The following NRN1 variants were observed in gnomAD, a reference collection of about 807,000 sequenced individuals.
NRN1 encodes neuritin 1, also known as neuritin.
A neutral mutation model predicts 15.0 loss-of-function variants in NRN1; 4 were observed. The observed-to-expected ratio is 0.27, with a 90% CI of 0.13 to 0.61. The LOEUF (loss-of-function observed/expected upper bound fraction) is 0.61. NRN1 is among the 20% of genes least tolerant of loss of function. The pLI is 0.87. For missense variants in NRN1, 134 were observed against 181.9 expected (o/e 0.74, Z 1.51); for synonymous variants, 85 against 79.8 (o/e 1.07, Z -0.35).
At position 6,002,424 on chromosome 6, in the gene NRN1, G is replaced by A; in HGVS notation, c.129C>T (p.Leu43=). The change falls in exon 2 of 3, where the codon CTC becomes CTT. Residue 43 remains leucine (L), a synonymous_variant. Coordinates refer to ENST00000244766, the MANE Select transcript of NRN1 (RefSeq NM_016588.3). The stretch of plus-strand genomic sequence containing the variant: ...AGTTGGCCATGCTGTCGCCCAGCTT[G>A]AGCAAACAGTCCGAAAAGCCCTTGA... ...AVFKGFSDCL[L]KLGDSMANYP... 4 of 1,614,242 alleles carry A rather than the reference G, an allele frequency of 2.5e-6. No homozygotes were observed. Among genetic ancestry groups the A allele is most frequent in the Non-Finnish European group, 3.4e-6 (4 of 1,180,030 alleles).
chr6:6,004,347 C>T (rs1758050753), intron 1 of NRN1, among the ~76,000 whole-genome samples: 1 of 152,202 alleles, frequency 6.6e-6, no homozygotes, highest in African/African-American at 2.4e-5. Context: ...CTCTATAACG[C>T]ATGTCACAAA....
rs1287422074 is a variant in NRN1 at position 5,999,124 on chromosome 6, A to G, written c.281T>C (p.Leu94Pro). 1 of 1,614,186 alleles carries G rather than the reference A, an allele frequency of 6.2e-7. No homozygotes were observed. The highest frequency in any genetic ancestry group is 2.2e-5 in the East Asian group (1 of 44,876). ...QEGAKDMWDK[L>P]RKESKNLNIQ... ...GTTGAGGTTTTTGGATTCTTTTCTC[A>G]GTTTATCCCACATATCTTTCGCCCC... Residue 94 changes from leucine (L) to proline (P), a missense_variant, in exon 3 of 3, where the codon CTG (leucine) becomes CCG (proline). Coordinates refer to ENST00000244766, the MANE Select transcript of NRN1 (RefSeq NM_016588.3).
intron 2 of NRN1, among the ~76,000 whole-genome samples, chr6:6,001,742 C>T (rs1032116899): frequency 1.3e-5 from 2 of 152,230 alleles, no homozygotes; most frequent in Non-Finnish European, 1.5e-5. Flanking sequence ...AATAAGATAG[C>T]GTTTCGGCCT....
chr6:5,999,203 A>G lies in NRN1; in HGVS notation c.202T>C (p.Tyr68His). ...GTGCAGCTGTGGAAATCCTCCCAGTATCTGGTGAGGAACAGAACAAAACAG... is the reference window on the plus strand; with the variant it reads ...GTGCAGCTGTGGAAATCCTCCCAGTGTCTGGTGAGGAACAGAACAAAACAG... ...DKTNIKTVCTYWEDFHSCTVT... is the reference protein window; with the variant it reads ...DKTNIKTVCTHWEDFHSCTVT... The change falls in exon 3 of 3, where the codon TAC (tyrosine) becomes CAC (histidine). Residue 68 changes from tyrosine to histidine, a missense_variant and splice_region_variant. Tyr to His is a moderately conservative substitution (Grantham distance 83). Transcript: ENST00000244766. The G allele has an allele frequency of 6.2e-7, 1 of 1,612,366 alleles. No homozygotes were observed. The highest frequency in any genetic ancestry group is 1.1e-5 in the South Asian group (1 of 91,058).
At chr6:6,003,423 C>T (rs1450604307) in intron 1 of NRN1, 1 of 467,812 alleles carries the variant, frequency 2.1e-6, no homozygotes, top group African/African-American at 2.0e-5. Flanking sequence ...AACAACCCAC[C>T]CGCCCGCCAA....
At position 6,006,679 on chromosome 6, in the gene NRN1, C is replaced by A. The variant is rs1467462442; in HGVS notation, c.55+16G>T. ...CTCCCGCCTCCAGCCTCCAGCCGGGCTGAGCGGCCACTTACCTATTTGCAC... is the reference window on the plus strand; with the variant it reads ...CTCCCGCCTCCAGCCTCCAGCCGGGATGAGCGGCCACTTACCTATTTGCAC... On this transcript the variant is annotated intron_variant, in intron 1 of 2. Coordinates refer to ENST00000244766, the MANE Select transcript of NRN1 (RefSeq NM_016588.3). 10 of 1,613,438 alleles carry A rather than the reference C, an allele frequency of 6.2e-6. No homozygotes were observed. The highest frequency in any genetic ancestry group is 8.5e-6 in the Non-Finnish European group (10 of 1,179,534).
In NRN1 at chr6:5,999,213, GAACAGAACAA is replaced by G; in HGVS notation, c.201-19_201-10del. 2 of 1,608,810 alleles carry G rather than the reference GAACAGAACAA, an allele frequency of 1.2e-6. No individual in the cohort carries two copies. Among genetic ancestry groups the G allele is most frequent in the Non-Finnish European group, 1.7e-6 (2 of 1,176,214 alleles). Reference sequence around the variant, plus strand: ...GGAAATCCTCCCAGTATCTGGTGAGGAACAGAACAAAACAGAACAAGCAGGTTCACTTGGG... The same window carrying G: ...GGAAATCCTCCCAGTATCTGGTGAGGAACAGAACAAGCAGGTTCACTTGGG... On this transcript the variant is annotated splice_polypyrimidine_tract_variant and intron_variant, in intron 2 of 2. Transcript: ENST00000244766.
chr6:6,001,958 G>T (rs746297398), intron 2 of NRN1, among the ~76,000 whole-genome samples: 8 of 152,200 alleles, frequency 5.3e-5, no homozygotes, highest in Non-Finnish European at 1.0e-4. Context: ...ACTCGTTCAC[G>T]CAAGAGCAAA....
At position 5,998,799 on chromosome 6, in the gene NRN1, A is replaced by T; in HGVS notation, c.*177T>A. On this transcript the variant is annotated 3_prime_UTR_variant, in exon 3 of 3. Transcript: ENST00000244766. The stretch of plus-strand genomic sequence containing the variant: ...ACTGATTGGTAACATTTGGCAAATA[A>T]AACACAAGAAATCAAACGAAATAAA... 1.6e-6 allele frequency: 1 copy of T among 616,458 alleles called. No individual in the cohort carries two copies. The highest frequency in any genetic ancestry group is 2.8e-6 in the Non-Finnish European group (1 of 354,718). 38.2% of individuals were successfully genotyped at this position (616,458 alleles called of 1,614,324 possible).
At chr6:6,006,367 G>A (rs968865210) in intron 1 of NRN1, among the ~76,000 whole-genome samples, 1 of 152,190 alleles carries the variant, frequency 6.6e-6, no homozygotes, top group Non-Finnish European at 1.5e-5. Flanking sequence ...GCAGGGGCCA[G>A]TACATTGCCC....
upstream of NRN1, chr6:6,007,062 A>T (rs1758130091): frequency 2.8e-6 from 1 of 363,136 alleles, no homozygotes; most frequent in Non-Finnish European, 5.0e-6. Context: ...GATGACACGG[A>T]ATGATTTTTT....
chr6:6,005,442 T>C (rs1459798588), intron 1 of NRN1, among the ~76,000 whole-genome samples: 2 of 152,266 alleles, frequency 1.3e-5, no homozygotes, highest in Admixed American at 1.3e-4. Flanking sequence ...AAAATCTTTA[T>C]AATGTTTCTG....
intron 1 of NRN1, chr6:6,003,757 C>A (rs1401660745): frequency 1.9e-5 from 23 of 1,234,140 alleles, no homozygotes; most frequent in Non-Finnish European, 2.2e-5. Flanking sequence ...GCCGACGAAC[C>A]CGGCTGGAAG....
intron 1 of NRN1, among the ~76,000 whole-genome samples, chr6:6,004,589 C>T (rs945363002): frequency 1.1e-4 from 17 of 152,234 alleles, no homozygotes; most frequent in Non-Finnish European, 4.4e-5. Flanking sequence ...TGAGTGTGTG[C>T]TGTGTAAAAT....
chr6:6,001,605 T>A (rs549975331), intron 2 of NRN1, among the ~76,000 whole-genome samples: 35 of 152,286 alleles, frequency 2.3e-4, no homozygotes, highest in African/African-American at 8.2e-4. Flanking sequence ...GCCTTACAGA[T>A]GTGCGAGGGG....
chr6:6,002,616 G>T, intron 1 of NRN1, 119 bp from the exon 2 acceptor site: 2 of 1,352,294 alleles, frequency 1.5e-6, no homozygotes, highest in Non-Finnish European at 2.0e-6. Flanking sequence ...CTCTCCCAGC[G>T]CCCAGCCTCG....
chr6:6,002,751 T>C, intron 1 of NRN1: 1 of 528,848 alleles, frequency 1.9e-6, no homozygotes. Context: ...GGTAGGTGAG[T>C]CCATTCCTTT....
At chr6:6,000,005 C>T (rs895465686) in intron 2 of NRN1, among the ~76,000 whole-genome samples, 4 of 152,204 alleles carry the variant, frequency 2.6e-5, no homozygotes, top group African/African-American at 9.6e-5. Context: ...TCTGCTCTTG[C>T]GAATCCAAGT....
At chr6:6,002,275 A>G in intron 2 of NRN1, 78 bp downstream of exon 2, 1 of 1,533,116 alleles carries the variant, frequency 6.5e-7, no homozygotes. Context: ...CGCTGAGCGC[A>G]GGCGGGGAGG....
Sources: allele counts gnomAD v4.1 joint callset (sites outside exome capture counted in the v4.1 genomes callset), GRCh38; gene constraint gnomAD v4.1.1; transcripts MANE v1.5; gene names NCBI Gene and HGNC (gene_info 2026-07-23, HGNC 2026-07-21).